The following KCNJ6 variants were observed in gnomAD, a reference collection of about 807,000 sequenced individuals.
KCNJ6 encodes the protein G protein-activated inward rectifier potassium channel 2.
A neutral mutation model predicts 34.2 loss-of-function variants in KCNJ6; 9 were observed. The ratio of observed to expected loss-of-function variants is 0.26; its 90% CI spans 0.16 to 0.46. KCNJ6 has a LOEUF of 0.46. Among genes scored for constraint, KCNJ6 ranks in the 20% least tolerant of loss-of-function variants. KCNJ6 has a pLI of 1.00. For synonymous variants in KCNJ6, 196 were observed against 207.1 expected (o/e 0.95, Z 0.46); for missense variants, 236 against 531.3 (o/e 0.44, Z 5.46).
chr21:37,858,488 C>T (rs184961974), intron 1 of KCNJ6, among the ~76,000 whole-genome samples: 1 of 149,332 alleles, frequency 6.7e-6, no homozygotes, highest in African/African-American at 2.5e-5. Context: ...AAAGGGGATT[C>T]ATGGGCACTG....
intron 2 of KCNJ6, among the ~76,000 whole-genome samples, chr21:37,777,685 T>C (rs1310052336): frequency 6.6e-6 from 1 of 152,204 alleles, no homozygotes; most frequent in Non-Finnish European, 1.5e-5. Flanking sequence ...AGTGGAGTTA[T>C]TGGCCAACAT....
At chr21:37,893,173 T>G (rs1177718126) in intron 1 of KCNJ6, among the ~76,000 whole-genome samples, 1 of 150,956 alleles carries the variant, frequency 6.6e-6, no homozygotes, top group Non-Finnish European at 1.5e-5. Context: ...CATAGTCTTA[T>G]GTTACATTCC....
In KCNJ6 at chr21:37,617,053, T is replaced by TTTTTTCTTTC. The variant is rs1556008845; in HGVS notation, c.*8105_*8106insGAAAGAAAAA. 3.7e-5 allele frequency: 2 copies of TTTTTTCTTTC among 54,118 alleles called. No individual in the cohort carries two copies. The highest frequency in any genetic ancestry group is 3.7e-5 in the Non-Finnish European group (1 of 26,886). 3.4% of individuals were successfully genotyped at this position (54,118 alleles called of 1,614,324 possible). ...CTTTCTTTCTTTCTTTCTTTCTTTC[T>TTTTTTCTTTC]TTTCTTTTCTTTTCTTTTCTTTTCT... On this transcript the variant is annotated 3_prime_UTR_variant, in exon 4 of 4. Coordinates refer to ENST00000609713, the MANE Select transcript of KCNJ6 (RefSeq NM_002240.5).
intron 3 of KCNJ6, among the ~76,000 whole-genome samples, chr21:37,689,005 T>C (rs991714502): frequency 2.0e-5 from 3 of 152,228 alleles, no homozygotes; most frequent in Non-Finnish European, 4.4e-5. Context: ...GCATATATCA[T>C]TGGTGATATA....
chr21:37,859,024 A>G (rs2123599688), intron 1 of KCNJ6, among the ~76,000 whole-genome samples: 1 of 152,354 alleles, frequency 6.6e-6, no homozygotes, highest in African/African-American at 2.4e-5. Context: ...GAACAAAATG[A>G]AACTCTCATT....
chr21:37,892,688 T>C (rs2055767823), intron 1 of KCNJ6, among the ~76,000 whole-genome samples: 2 of 152,122 alleles, frequency 1.3e-5, no homozygotes, highest in African/African-American at 4.8e-5. Context: ...GGGTGCAGAA[T>C]GGGCATAGGG....
intron 2 of KCNJ6, among the ~76,000 whole-genome samples, chr21:37,781,614 G>C (rs2055169934): frequency 1.3e-5 from 2 of 152,134 alleles, no homozygotes; most frequent in African/African-American, 4.8e-5. Context: ...CGCTGGTCTA[G>C]GCACTTTATA....
intron 1 of KCNJ6, among the ~76,000 whole-genome samples, chr21:37,887,430 C>T (rs140668266): frequency 5.2e-4 from 79 of 152,240 alleles, no homozygotes; most frequent in African/African-American, 1.8e-3. Flanking sequence ...TTAAGTGCCC[C>T]TTATAGGCCA....
chr21:37,698,477 A>T (rs2054674086), intron 3 of KCNJ6, among the ~76,000 whole-genome samples: 2 of 152,204 alleles, frequency 1.3e-5, no homozygotes, highest in Non-Finnish European at 2.9e-5. Context: ...ATTCCATTCC[A>T]TATTGTATTG....
At chr21:37,720,099 G>T (rs567304769) in intron 2 of KCNJ6, among the ~76,000 whole-genome samples, 2 of 124,268 alleles carry the variant, frequency 1.6e-5, no homozygotes, top group Admixed American at 1.6e-4. Flanking sequence ...GGGCAATTTT[G>T]GGTGGGGGGG....
At chr21:37,832,711 G>A (rs2055432238) in intron 2 of KCNJ6, among the ~76,000 whole-genome samples, 1 of 152,118 alleles carries the variant, frequency 6.6e-6, no homozygotes. Context: ...GTATCTGGTG[G>A]GGGGCGGGGA....
intron 1 of KCNJ6, among the ~76,000 whole-genome samples, chr21:37,870,333 C>A (rs975970520): frequency 6.6e-6 from 1 of 151,862 alleles, no homozygotes; most frequent in East Asian, 1.9e-4. Context: ...CAATAGCCAG[C>A]ATTAAACAGA....
intron 2 of KCNJ6, among the ~76,000 whole-genome samples, chr21:37,813,660 G>A (rs1437389677): frequency 1.3e-5 from 2 of 152,172 alleles, no homozygotes; most frequent in African/African-American, 4.8e-5. Context: ...GGAAAAGACA[G>A]TCTCTTCAAT....
At chr21:37,761,160 CTGTA>C (rs1053920316) in intron 2 of KCNJ6, among the ~76,000 whole-genome samples, 14 of 148,752 alleles carry the variant, frequency 9.4e-5, no homozygotes, top group Admixed American at 2.0e-4. Flanking sequence ...GGTGTGTGTG[CTGTA>C]TGTGTGTTGT....
At chr21:37,890,114 A>G (rs143671712) in intron 1 of KCNJ6, among the ~76,000 whole-genome samples, 2,823 of 152,314 alleles carry the variant, frequency 0.019, 101 homozygotes, top group African/African-American at 0.064. Flanking sequence ...TAATTTATAA[A>G]GGAAAGAGCT....
intron 3 of KCNJ6, among the ~76,000 whole-genome samples, chr21:37,680,115 T>C (rs886652393): frequency 3.3e-5 from 5 of 152,224 alleles, no homozygotes; most frequent in African/African-American, 4.8e-5. Context: ...CCACTCATTC[T>C]CTCTCAACTG....
intron 3 of KCNJ6, among the ~76,000 whole-genome samples, chr21:37,697,186 A>C (rs1273887039): frequency 6.6e-6 from 1 of 152,156 alleles, no homozygotes; most frequent in East Asian, 1.9e-4. Context: ...CTGCCTGGAG[A>C]AATGTCATTG....
intron 3 of KCNJ6, among the ~76,000 whole-genome samples, chr21:37,648,269 G>A (rs995596181): frequency 6.6e-6 from 1 of 152,192 alleles, no homozygotes; most frequent in African/African-American, 2.4e-5. Flanking sequence ...CAGAGCTGTG[G>A]GCCGTGGAGG....
At chr21:37,722,163 C>G (rs1262819389) in intron 2 of KCNJ6, among the ~76,000 whole-genome samples, 1 of 152,104 alleles carries the variant, frequency 6.6e-6, no homozygotes, top group Non-Finnish European at 1.5e-5. Context: ...AATGTTCAAG[C>G]TGAGAGCTGA....
Sources: gnomAD v4.1 joint callset for allele counts (sites outside exome capture counted in the v4.1 genomes callset) on GRCh38, gnomAD v4.1.1 for gene constraint, MANE v1.5 for transcripts, NCBI Gene and HGNC (gene_info 2026-07-23, HGNC 2026-07-21) for gene names.